ZNF75A: variants seen among roughly 807,000 people sequenced by gnomAD.
The protein encoded by ZNF75A is zinc finger protein 75A.
A neutral mutation model predicts 46.3 loss-of-function variants in ZNF75A; 36 were observed. The ratio of observed to expected loss-of-function variants is 0.78; its 90% CI spans 0.60 to 1.03. ZNF75A has a LOEUF of 1.03. Ranked by LOEUF, ZNF75A falls within the 50% of genes least tolerant of loss-of-function variation. The pLI is 0.00. For synonymous variants in ZNF75A, 234 were observed against 189.9 expected (o/e 1.23, Z -1.91); for missense variants, 595 against 551.3 (o/e 1.08, Z -0.79).
intron 5 of ZNF75A, chr16:3,315,082 A>G (rs1324529320): frequency 1.0e-6 from 1 of 983,936 alleles, no homozygotes; most frequent in Non-Finnish European, 1.2e-6. Flanking sequence ...GGAGATCTTG[A>G]TCCCTTCCCT....
intron 5 of ZNF75A, 110 bp downstream of exon 5, chr16:3,313,285 C>G (rs935743125): frequency 4.2e-5 from 48 of 1,153,758 alleles, no homozygotes; most frequent in Non-Finnish European, 5.3e-5. Context: ...TGATTCTCAT[C>G]TAGATGGTAT....
chr16:3,321,394 C>T (rs1248399331), downstream of ZNF75A, among the ~76,000 whole-genome samples: 1 of 152,206 alleles, frequency 6.6e-6, no homozygotes, highest in Non-Finnish European at 1.5e-5. Context: ...GACCTGTCCC[C>T]TGCACTAGTC....
chr16:3,313,152 A>G lies in ZNF75A; in HGVS notation c.800A>G (p.Asn267Ser). Residue 267 changes from asparagine (N) to serine (S), a missense_variant, in exon 5 of 7, where the codon AAC (asparagine) becomes AGC (serine). Transcript: ENST00000669516. The part of the protein sequence containing the change: ...KALYNDVMQE[N>S]YETVISLALF... ...CTCTACAATGATGTAATGCAGGAAA[A>G]CTATGAGACTGTCATCTCTCTAGGT... 2 of 1,614,026 alleles carry G rather than the reference A, an allele frequency of 1.2e-6. No individual in the cohort carries two copies. Among genetic ancestry groups the G allele is most frequent in the Non-Finnish European group, 1.7e-6 (2 of 1,179,960 alleles).
downstream of ZNF75A, among the ~76,000 whole-genome samples, chr16:3,319,803 T>TA (rs1334527441): frequency 1.3e-3 from 202 of 150,346 alleles, no homozygotes; most frequent in South Asian, 2.7e-3. Flanking sequence ...TTTTATTTTT[T>TA]TTTTTATTTT....
rs1490650589 is a variant in ZNF75A at position 3,317,757 on chromosome 16, T to G, written c.1502T>G (p.Leu501Arg). Residue 501 changes from leucine to arginine, a missense_variant, in exon 7 of 7, where the codon CTT (leucine) becomes CGT (arginine). Coordinates refer to ENST00000669516, the MANE Select transcript of ZNF75A (RefSeq NM_001302109.2). ...CGKKFSQNSH[L>R]IKHRRTHTGE... Reference sequence around the variant, plus strand: ...AAAAAATTCAGTCAGAACTCCCACCTTATTAAACACCGGAGAACCCACACA... The same window carrying G: ...AAAAAATTCAGTCAGAACTCCCACCGTATTAAACACCGGAGAACCCACACA... 1.1e-5 allele frequency: 18 copies of G among 1,614,054 alleles called. No homozygotes were observed. Among genetic ancestry groups the G allele is most frequent in the Non-Finnish European group, 1.4e-5 (17 of 1,180,040 alleles).
At chr16:3,314,889 C>G (rs1961083738) in intron 5 of ZNF75A, 1 of 985,252 alleles carries the variant, frequency 1.0e-6, no homozygotes, top group African/African-American at 1.7e-5. Context: ...ATTCTCCCTT[C>G]TTTTTGTGTA....
In ZNF75A at chr16:3,317,765, C is replaced by T. The variant is rs1238570903; in HGVS notation, c.1510C>T (p.His504Tyr). 6.2e-7 allele frequency: 1 copy of T among 1,614,168 alleles called. No individual in the cohort carries two copies. Among genetic ancestry groups the T allele is most frequent in the Non-Finnish European group, 8.5e-7 (1 of 1,180,036 alleles). The change falls in exon 7 of 7, where the codon CAC (histidine) becomes TAC (tyrosine). Residue 504 changes from histidine (H) to tyrosine (Y), a missense_variant. His to Tyr is a moderately conservative substitution (Grantham distance 83, BLOSUM62 2). Coordinates refer to ENST00000669516, the MANE Select transcript of ZNF75A (RefSeq NM_001302109.2). The part of the protein sequence containing the change: ...KFSQNSHLIK[H>Y]RRTHTGEQPY... ...CAGTCAGAACTCCCACCTTATTAAA[C>T]ACCGGAGAACCCACACAGGTGAGCA...
At chr16:3,323,212 T>C (rs2030009518), downstream of ZNF75A, 1 of 734,038 alleles carries the variant, frequency 1.4e-6, no homozygotes, top group East Asian at 2.6e-5. Flanking sequence ...ATGAGCTGAT[T>C]GATGCATTCA....
At position 3,318,190 on chromosome 16, in the gene ZNF75A, T is replaced by A; in HGVS notation, c.*321T>A. On this transcript the variant is annotated 3_prime_UTR_variant, in exon 7 of 7. Transcript: ENST00000669516. The stretch of plus-strand genomic sequence containing the variant: ...TAATTGCATACCATTCTCTTCACAG[T>A]AGCAGGCTTACCAATTTCCATAGTC... 3.8e-6 allele frequency: 4 copies of A among 1,046,574 alleles called. No homozygotes were observed. Among genetic ancestry groups the A allele is most frequent in the Non-Finnish European group, 4.6e-6 (4 of 869,990 alleles). The allele number at this position is 1,046,574 out of a possible 1,614,324, so 64.8% of individuals were successfully genotyped here.
At chr16:3,319,883 A>G (rs983170638), downstream of ZNF75A, among the ~76,000 whole-genome samples, 3 of 151,476 alleles carry the variant, frequency 2.0e-5, no homozygotes, top group Non-Finnish European at 4.4e-5. Context: ...GAGAGCAGCC[A>G]TGAAATCAAA....
intron 2 of ZNF75A, among the ~76,000 whole-genome samples, chr16:3,310,106 AT>A (rs1305113832): frequency 6.6e-6 from 1 of 151,680 alleles, no homozygotes; most frequent in Admixed American, 6.6e-5. Context: ...AAAAAAAAAA[AT>A]GTTTTAGGCC....
At chr16:3,309,845 G>C (rs1412264607) in intron 2 of ZNF75A, among the ~76,000 whole-genome samples, 3 of 151,352 alleles carry the variant, frequency 2.0e-5, no homozygotes, top group Non-Finnish European at 2.9e-5. Flanking sequence ...GGTGGCTCAT[G>C]CCTATATTTC....
chr16:3,314,430 C>T (rs146558448), intron 5 of ZNF75A, among the ~76,000 whole-genome samples: 168 of 152,272 alleles, frequency 1.1e-3, no homozygotes, highest in African/African-American at 3.7e-3. Flanking sequence ...TGTAGGGCTA[C>T]CTGAGCATGA....
At position 3,317,038 on chromosome 16, in the gene ZNF75A, G is replaced by A. The variant is rs368282517; in HGVS notation, c.934+16G>A. 4.5e-4 allele frequency: 729 copies of A among 1,602,966 alleles called. 2 individuals are homozygous for A. The highest frequency in any genetic ancestry group is 5.2e-4 in the Non-Finnish European group (614 of 1,171,826). ...TCTCCTACAGGTAAATATACCATGG[G>A]AAGTGGAGAAATGTGCCTTGATGTG... On this transcript the variant is annotated intron_variant, in intron 6 of 6. Coordinates refer to ENST00000669516, the MANE Select transcript of ZNF75A (RefSeq NM_001302109.2).
At position 3,316,404 on chromosome 16, in the gene ZNF75A, G is replaced by GCCA. The variant is rs1475455640; in HGVS notation, c.824-508_824-507insCCA. 14 of 152,234 alleles carry GCCA rather than the reference G, an allele frequency of 9.2e-5. No homozygotes were observed. In the East Asian group the frequency reaches 2.1e-3, roughly 23 times the overall value. The allele number at this position is 152,234 out of a possible 1,614,324, so 9.4% of individuals were successfully genotyped here. On this transcript the variant is annotated intron_variant, in intron 5 of 6. Coordinates refer to ENST00000669516, the MANE Select transcript of ZNF75A (RefSeq NM_001302109.2). ...ATATGAACCAGTAATCTATAGGAATGGTAGAAATCTATCCTAGTTGAGGGC... is the reference window on the plus strand; with the variant it reads ...ATATGAACCAGTAATCTATAGGAATGCCAGTAGAAATCTATCCTAGTTGAGGGC...
Position 3,308,689 on chromosome 16 carries a change from A to G in ZNF75A, c.261A>G (p.Ile87Met), listed in dbSNP as rs530992366. 1.4e-4 allele frequency: 135 copies of G among 992,834 alleles called. No homozygotes were observed. The highest frequency in any genetic ancestry group is 1.3e-3 in the South Asian group (29 of 22,350). 61.5% of individuals were successfully genotyped at this position (992,834 alleles called of 1,614,324 possible). A position where few individuals can be genotyped will look rare whatever the true frequency, so the allele number is the denominator to read the frequency against. The part of the protein sequence containing the change: ...LKPEIHSKEQ[I>M]LELLVLEQFL... ...CAGAGATCCACTCAAAAGAGCAGAT[A>G]CTGGAACTGCTGGTGCTGGAGCAGT... Residue 87 changes from isoleucine to methionine, a missense_variant, in exon 2 of 7, where the codon ATA becomes ATG. Coordinates refer to ENST00000669516, the MANE Select transcript of ZNF75A (RefSeq NM_001302109.2).
At chr16:3,315,574 A>T (rs1193671763) in intron 5 of ZNF75A, among the ~76,000 whole-genome samples, 2 of 152,120 alleles carry the variant, frequency 1.3e-5, no homozygotes, top group African/African-American at 4.8e-5. Context: ...CTCTACTTTG[A>T]CATATCCTGA....
downstream of ZNF75A, among the ~76,000 whole-genome samples, chr16:3,322,523 C>T (rs993010525): frequency 3.3e-5 from 5 of 152,178 alleles, no homozygotes; most frequent in African/African-American, 1.2e-4. Context: ...TGAATCCCTC[C>T]TGTGAAAGGA....
Position 3,311,889 on chromosome 16 carries a change from G to T in ZNF75A, c.545G>T (p.Gly182Val). 1 of 1,001,936 alleles carries T rather than the reference G, an allele frequency of 1.0e-6. No homozygotes were observed. Among genetic ancestry groups the T allele is most frequent in the Non-Finnish European group, 1.2e-6 (1 of 838,046 alleles). 62.1% of individuals were successfully genotyped at this position (1,001,936 alleles called of 1,614,324 possible). A position where few individuals can be genotyped will look rare whatever the true frequency, so the allele number is the denominator to read the frequency against. The change falls in exon 3 of 7, where the codon GGT (glycine) becomes GTT (valine). Residue 182 changes from glycine to valine, a missense_variant. Gly to Val is a moderately radical substitution (Grantham distance 109). Transcript: ENST00000669516. ...GAAGAATTTTGGAATACATACGAGG[G>T]TCTGCAAGAACAGCTCAGCAGGAAT... ...QDEEFWNTYE[G>V]LQEQLSRNTH...
Sources: gnomAD v4.1 joint callset for allele counts (sites outside exome capture counted in the v4.1 genomes callset) on GRCh38, gnomAD v4.1.1 for gene constraint, MANE v1.5 for transcripts, NCBI Gene and HGNC (gene_info 2026-07-23, HGNC 2026-07-21) for gene names.